MYRFL: variants seen among roughly 807,000 people sequenced by gnomAD.
MYRFL encodes the protein myelin regulatory factor-like protein.
A neutral mutation model predicts 109.4 loss-of-function variants in MYRFL; 88 were observed. The observed-to-expected ratio is 0.80, with a 90% CI of 0.68 to 0.96. MYRFL has a LOEUF of 0.96. Among genes scored for constraint, MYRFL ranks in the 40% least tolerant of loss-of-function variants. The pLI is 0.00. For synonymous variants in MYRFL, 324 were observed against 320.9 expected (o/e 1.01, Z -0.10); for missense variants, 957 against 954.9 (o/e 1.00, Z -0.03).
At chr12:69,894,986 C>T (rs1328939896) in intron 8 of MYRFL, among the ~76,000 whole-genome samples, 1 of 152,234 alleles carries the variant, frequency 6.6e-6, no homozygotes, top group Non-Finnish European at 1.5e-5. Context: ...GATGCAAAGG[C>T]ATTCATGCTT....
At chr12:69,905,174 G>A (rs1012221814) in intron 11 of MYRFL, among the ~76,000 whole-genome samples, 4 of 152,104 alleles carry the variant, frequency 2.6e-5, no homozygotes, top group African/African-American at 7.2e-5. Flanking sequence ...ATTTATCCTT[G>A]CAATTGGCTA....
intron 19 of MYRFL, among the ~76,000 whole-genome samples, chr12:69,946,312 G>C (rs1046386865): frequency 2.0e-5 from 3 of 152,092 alleles, no homozygotes; most frequent in Non-Finnish European, 4.4e-5. Context: ...TAGGCTCTGT[G>C]ATACACTGGG....
chr12:69,940,195 C>G (rs1334355510), intron 19 of MYRFL, among the ~76,000 whole-genome samples: 2 of 152,004 alleles, frequency 1.3e-5, no homozygotes, highest in Non-Finnish European at 2.9e-5. Flanking sequence ...TCAGGAACTA[C>G]AGAGAACACC....
At chr12:69,916,529 C>A (rs1954733845) in intron 13 of MYRFL, among the ~76,000 whole-genome samples, 1 of 152,110 alleles carries the variant, frequency 6.6e-6, no homozygotes, top group Non-Finnish European at 1.5e-5. Flanking sequence ...CTTCTTTATT[C>A]TCTTTATTCT....
At chr12:69,895,615 C>G in intron 9 of MYRFL, 134 bp downstream of exon 9, 1 of 631,640 alleles carries the variant, frequency 1.6e-6, no homozygotes, top group East Asian at 2.8e-5. Flanking sequence ...TTCCTCCCTT[C>G]TCTGACTCTC....
intron 13 of MYRFL, among the ~76,000 whole-genome samples, chr12:69,922,250 AG>A (rs879441462): frequency 1.2e-4 from 19 of 152,180 alleles, no homozygotes; most frequent in Non-Finnish European, 1.8e-4. Context: ...GGCTCTCTAC[AG>A]GGTAAACATA....
At chr12:69,860,566 GAT>G (rs374989357) in intron 2 of MYRFL, among the ~76,000 whole-genome samples, 17 of 151,570 alleles carry the variant, frequency 1.1e-4, no homozygotes, top group African/African-American at 3.9e-4. Context: ...ATTAATTATT[GAT>G]ATGTTTGGAT....
intron 1 of MYRFL, among the ~76,000 whole-genome samples, chr12:69,841,640 C>G (rs1488863852): frequency 6.6e-6 from 1 of 152,182 alleles, no homozygotes; most frequent in Non-Finnish European, 1.5e-5. Flanking sequence ...ATTCAAGGCC[C>G]TAGGATCTGT....
intron 2 of MYRFL, among the ~76,000 whole-genome samples, chr12:69,863,639 A>G (rs956466206): frequency 5.9e-5 from 9 of 152,222 alleles, no homozygotes; most frequent in African/African-American, 2.2e-4. Context: ...ACTCTATGAG[A>G]CAATGCTATA....
intron 16 of MYRFL, among the ~76,000 whole-genome samples, chr12:69,935,740 G>A (rs988048290): frequency 2.0e-5 from 3 of 152,196 alleles, no homozygotes; most frequent in African/African-American, 7.2e-5. Context: ...CCGGTGGCAC[G>A]CAAACTGTGC....
At chr12:69,830,321 A>T (rs1001676984) in intron 1 of MYRFL, among the ~76,000 whole-genome samples, 30 of 150,992 alleles carry the variant, frequency 2.0e-4, no homozygotes, top group African/African-American at 7.0e-4. Flanking sequence ...ATCTGTATGG[A>T]TATATTCTAC....
At chr12:69,868,010 C>G (rs1885107809) in intron 2 of MYRFL, among the ~76,000 whole-genome samples, 1 of 152,086 alleles carries the variant, frequency 6.6e-6, no homozygotes, top group Non-Finnish European at 1.5e-5. Context: ...AGAGGATAAA[C>G]TCTGGTGGTA....
intron 10 of MYRFL, among the ~76,000 whole-genome samples, chr12:69,900,749 A>C (rs970551679): frequency 6.6e-6 from 1 of 152,212 alleles, no homozygotes; most frequent in African/African-American, 2.4e-5. Context: ...TTTCACTTCT[A>C]ACTCAGCATA....
At chr12:69,944,981 AT>A (rs1396252219) in intron 19 of MYRFL, among the ~76,000 whole-genome samples, 6 of 142,226 alleles carry the variant, frequency 4.2e-5, no homozygotes, top group East Asian at 1.9e-4. Flanking sequence ...ATTAATACAA[AT>A]TTTTTTAACG....
rs71094746 is a variant in MYRFL at position 69,880,951 on chromosome 12, GTTTTTTTTT to G, written c.556+669_556+677del. On this transcript the variant is annotated intron_variant, in intron 5 of 24. Coordinates refer to ENST00000552032, the MANE Select transcript of MYRFL (RefSeq NM_182530.3). ...TAATGTCCAAGCGGTCAGCCTTCCTGTTTTTTTTTTTTTTTTTTGTCTTATATAACGTGT... is the reference window on the plus strand; with the variant it reads ...TAATGTCCAAGCGGTCAGCCTTCCTGTTTTTTTTTGTCTTATATAACGTGT... Among the ~76,000 whole-genome samples, 5 of 112,634 alleles carry G rather than the reference GTTTTTTTTT, an allele frequency of 4.4e-5. No individual in the cohort carries two copies. In the East Asian group the frequency reaches 8.7e-4, roughly 20 times the overall value. The allele number at this position is 112,634 out of a possible 152,430, so 73.9% of individuals were successfully genotyped here.
chr12:69,849,223 G>A (rs1205206060), intron 1 of MYRFL, among the ~76,000 whole-genome samples: 7 of 152,192 alleles, frequency 4.6e-5, no homozygotes. Context: ...TAATATATAT[G>A]TGCATATGAA....
chr12:69,850,843 G>GATTGA (rs1190488534), intron 1 of MYRFL, among the ~76,000 whole-genome samples: 1 of 151,242 alleles, frequency 6.6e-6, no homozygotes, highest in Non-Finnish European at 1.5e-5. Context: ...ATTCATTCTT[G>GATTGA]ATTGGCTGAA....
chr12:69,956,159 G>T (rs1333492864), intron 22 of MYRFL, among the ~76,000 whole-genome samples: 1 of 149,052 alleles, frequency 6.7e-6, no homozygotes, highest in Non-Finnish European at 1.5e-5. Flanking sequence ...TTGAGATTGG[G>T]ACACTTGGGT....
chr12:69,870,492 A>G (rs185726793), intron 2 of MYRFL, among the ~76,000 whole-genome samples: 6 of 151,806 alleles, frequency 4.0e-5, no homozygotes, highest in Admixed American at 6.5e-5. Flanking sequence ...AAAGACTGAA[A>G]CACAGTCTGA....
Sources: allele counts gnomAD v4.1 joint callset (sites outside exome capture counted in the v4.1 genomes callset), GRCh38; gene constraint gnomAD v4.1.1; transcripts MANE v1.5; gene names NCBI Gene and HGNC (gene_info 2026-07-23, HGNC 2026-07-21).